ROBO2: variants seen among roughly 807,000 people sequenced by gnomAD.
ROBO2 encodes roundabout homolog 2.
A neutral mutation model predicts 160.8 loss-of-function variants in ROBO2; 53 were observed. The ratio of observed to expected loss-of-function variants is 0.33; its 90% CI spans 0.26 to 0.41. ROBO2 has a LOEUF of 0.41. Ranked by LOEUF, ROBO2 falls within the 10% of genes least tolerant of loss-of-function variation. The pLI is 1.00. For synonymous variants in ROBO2, 664 were observed against 611.7 expected, an observed-to-expected ratio of 1.09 and a Z score of -1.26; for missense variants, 1,577 against 1,722.4, an observed-to-expected ratio of 0.92 and a Z score of 1.49.
Position 76,808,394 on chromosome 3 carries a change from T to G in ROBO2, c.110-289620T>G, listed in dbSNP as rs145008931. On this transcript the variant is annotated intron_variant, in intron 2 of 26. Transcript: ENST00000487694. ...ATGAGTTTATTCAGCAAGTATTTTTTGAGCACCTCCTTCCTCCTCTGTCCC... is the reference window on the plus strand; with the variant it reads ...ATGAGTTTATTCAGCAAGTATTTTTGGAGCACCTCCTTCCTCCTCTGTCCC... 5.3e-3 allele frequency among the ~76,000 whole-genome samples: 808 copies of G among 152,252 alleles called. 6 individuals are homozygous for G. Among genetic ancestry groups the G allele is most frequent in the African/African-American group, 0.019 (777 of 41,574 alleles).
intron 2 of ROBO2, among the ~76,000 whole-genome samples, chr3:76,356,759 A>G (rs1044701975): frequency 6.6e-6 from 1 of 151,826 alleles, no homozygotes; most frequent in East Asian, 1.9e-4. Flanking sequence ...CAAATGGTCT[A>G]GACTTTATTG....
chr3:76,224,469 T>C (rs1021253926), intron 2 of ROBO2, among the ~76,000 whole-genome samples: 3 of 152,174 alleles, frequency 2.0e-5, no homozygotes, highest in African/African-American at 4.8e-5. Flanking sequence ...TCCACAATTA[T>C]GTTCTCTTTG....
chr3:76,625,366 A>G lies in ROBO2; in HGVS notation c.110-472648A>G, dbSNP rs145240384. On this transcript the variant is annotated intron_variant, in intron 2 of 26. Coordinates refer to the ROBO2 transcript ENST00000487694. ...TGAAATGTATTAAACAACTTACTCA[A>G]TATTGTGCGAGTTTCTATTCTAGGC... is the stretch of plus-strand genomic sequence containing the variant. 4.7e-3 allele frequency among the ~76,000 whole-genome samples: 710 copies of G among 152,272 alleles called. 3 individuals carry two copies. The highest frequency in any genetic ancestry group is 0.016 in the African/African-American group (678 of 41,562).
rs187899390 is a variant in ROBO2 at position 77,335,332 on chromosome 3, G to A, written c.389-142082G>A. ...TGAGGCACGAGAATCGCTTGAACCC[G>A]GGAGGTGGAGGTTGCAGTGAACCAA... On this transcript the variant is annotated intron_variant, in intron 2 of 25. Transcript: ENST00000461745. Among the ~76,000 whole-genome samples the A allele has an allele frequency of 3.0e-3, 459 of 152,182 alleles. 1 individual carries two copies. The highest frequency in any genetic ancestry group is 0.011 in the African/African-American group (440 of 41,526).
chr3:76,265,682 T>C (rs1430991698), intron 2 of ROBO2, among the ~76,000 whole-genome samples: 2 of 152,108 alleles, frequency 1.3e-5, no homozygotes, highest in African/African-American at 2.4e-5. Flanking sequence ...ATGATTCCCA[T>C]TATACAGAAA....
intron 2 of ROBO2, among the ~76,000 whole-genome samples, chr3:76,848,129 C>G (rs1341033419): frequency 6.6e-6 from 1 of 152,072 alleles, no homozygotes; most frequent in Non-Finnish European, 1.5e-5. Context: ...GTTCTAAGAA[C>G]AATTGTTTCA....
intron 2 of ROBO2, among the ~76,000 whole-genome samples, chr3:77,409,292 C>T (rs566803125): frequency 2.6e-5 from 4 of 151,392 alleles, no homozygotes; most frequent in South Asian, 4.2e-4. Context: ...ATTTAGTAGG[C>T]GATTTCATAA....
intron 2 of ROBO2, among the ~76,000 whole-genome samples, chr3:76,369,140 G>A (rs2075978730): frequency 6.6e-6 from 1 of 151,880 alleles, no homozygotes; most frequent in Non-Finnish European, 1.5e-5. Context: ...TCTTTCCCAG[G>A]TGTTTTTGCA....
At chr3:76,485,700 T>G (rs1294573040) in intron 2 of ROBO2, among the ~76,000 whole-genome samples, 1 of 152,166 alleles carries the variant, frequency 6.6e-6, no homozygotes, top group Admixed American at 6.6e-5. Context: ...GGGTTGCTGT[T>G]TGTACTGAAG....
intron 2 of ROBO2, among the ~76,000 whole-genome samples, chr3:77,248,775 C>CTTT (rs1491520866): frequency 4.7e-5 from 3 of 63,378 alleles, no homozygotes; most frequent in Non-Finnish European, 1.1e-4. Context: ...ACATCACTTG[C>CTTT]TCTTTTTTTT....
intron 2 of ROBO2, among the ~76,000 whole-genome samples, chr3:76,707,933 G>A (rs2093205283): frequency 6.6e-6 from 1 of 151,898 alleles, no homozygotes; most frequent in Non-Finnish European, 1.5e-5. Context: ...ATATATGTGA[G>A]CTGCTATACA....
intron 2 of ROBO2, among the ~76,000 whole-genome samples, chr3:77,017,159 TAAC>T (rs762290791): frequency 1.2e-4 from 18 of 152,154 alleles, no homozygotes; most frequent in Non-Finnish European, 2.4e-4. Flanking sequence ...AGCCAAAAAA[TAAC>T]AACAAAAGTC....
intron 2 of ROBO2, among the ~76,000 whole-genome samples, chr3:77,249,768 A>G (rs2090137060): frequency 6.6e-6 from 1 of 152,028 alleles, no homozygotes; most frequent in African/African-American, 2.4e-5. Context: ...TTTTAAAACA[A>G]TTGTCTTACA....
chr3:76,702,000 A>G (rs2093055652), intron 2 of ROBO2, among the ~76,000 whole-genome samples: 1 of 152,018 alleles, frequency 6.6e-6, no homozygotes, highest in Non-Finnish European at 1.5e-5. Flanking sequence ...TTCTGCACCA[A>G]TATCTATATA....
chr3:76,162,430 C>T (rs12635461), intron 2 of ROBO2, among the ~76,000 whole-genome samples: 62 of 152,246 alleles, frequency 4.1e-4, no homozygotes, highest in African/African-American at 1.4e-3. Flanking sequence ...CCGCCTCCTC[C>T]TGAGTCACTG....
At chr3:77,369,493 A>C (rs1446553609) in intron 2 of ROBO2, among the ~76,000 whole-genome samples, 1 of 152,178 alleles carries the variant, frequency 6.6e-6, no homozygotes, top group Non-Finnish European at 1.5e-5. Flanking sequence ...TGATGCTAGC[A>C]GGTATGTGGA....
intron 2 of ROBO2, among the ~76,000 whole-genome samples, chr3:76,078,117 A>G (rs1182507584): frequency 1.3e-5 from 2 of 152,220 alleles, no homozygotes; most frequent in Non-Finnish European, 2.9e-5. Context: ...AATCAATGCA[A>G]CATTCATATG....
At chr3:77,098,382 T>A in intron 2 of ROBO2, 42 bp downstream of exon 2, 1 of 1,591,272 alleles carries the variant, frequency 6.3e-7, no homozygotes, top group Non-Finnish European at 8.6e-7. Flanking sequence ...TTTACTTTTA[T>A]TTATTTCAAG....
chr3:77,514,941 A>G (rs2089841448), intron 5 of ROBO2, among the ~76,000 whole-genome samples: 1 of 151,708 alleles, frequency 6.6e-6, no homozygotes, highest in African/African-American at 2.4e-5. Flanking sequence ...CTGGTAGTAG[A>G]TAGTCACAAG....
Sources: gnomAD v4.1 joint callset for allele counts (sites outside exome capture counted in the v4.1 genomes callset) on GRCh38, gnomAD v4.1.1 for gene constraint, MANE v1.5 for transcripts, NCBI Gene and HGNC (gene_info 2026-07-23, HGNC 2026-07-21) for gene names.